GALK2: variants seen among roughly 807,000 people sequenced by gnomAD.
The protein encoded by GALK2 is N-acetylgalactosamine kinase.
A neutral mutation model predicts 52.4 loss-of-function variants in GALK2; 36 were observed. That is an observed-to-expected ratio of 0.69 (90% CI 0.53 to 0.91). The LOEUF (loss-of-function observed/expected upper bound fraction) is 0.91, where lower values mean the gene tolerates loss of function less well. Ranked by LOEUF, GALK2 falls within the 40% of genes least tolerant of loss-of-function variation. The pLI, the probability that GALK2 is intolerant of heterozygous loss-of-function variation, is 0.00. For synonymous variants in GALK2, 176 were observed against 199.1 expected (o/e 0.88, Z 0.98); for missense variants, 579 against 559.1 (o/e 1.04, Z -0.36).
chr15:49,264,636 G>T (rs1054424721), intron 5 of GALK2, among the ~76,000 whole-genome samples: 1 of 152,148 alleles, frequency 6.6e-6, no homozygotes, highest in Admixed American at 6.5e-5. Context: ...TCCTTTGGAG[G>T]AGGAGAGGCG....
At chr15:49,278,036 G>C (rs1335435579) in intron 5 of GALK2, among the ~76,000 whole-genome samples, 2 of 151,930 alleles carry the variant, frequency 1.3e-5, no homozygotes, top group Non-Finnish European at 2.9e-5. Flanking sequence ...GCCGAGGCGG[G>C]CAGATCACGA....
intron 5 of GALK2, among the ~76,000 whole-genome samples, chr15:49,248,111 A>G (rs1002966954): frequency 3.9e-5 from 6 of 152,242 alleles, no homozygotes. Flanking sequence ...TTTTCTTCAC[A>G]TATAGCTGCA....
chr15:49,303,515 C>T (rs976589006), intron 8 of GALK2, among the ~76,000 whole-genome samples: 1 of 152,196 alleles, frequency 6.6e-6, no homozygotes. Flanking sequence ...TGTGCATGAA[C>T]TGCCGTGGCA....
At chr15:49,361,462 A>G (rs1297667438) in intron 3 of GALK2, among the ~76,000 whole-genome samples, 2 of 152,004 alleles carry the variant, frequency 1.3e-5, no homozygotes, top group Non-Finnish European at 2.9e-5. Context: ...CATGTACTCA[A>G]TGTTTAGCTC....
At chr15:49,190,046 A>G (rs978019152) in intron 1 of GALK2, among the ~76,000 whole-genome samples, 3 of 152,128 alleles carry the variant, frequency 2.0e-5, no homozygotes, top group Admixed American at 6.5e-5. Flanking sequence ...CAGCCTTTCT[A>G]TGTGTTTTAT....
intron 5 of GALK2, among the ~76,000 whole-genome samples, chr15:49,279,793 T>C (rs1028941075): frequency 1.3e-5 from 2 of 152,232 alleles, no homozygotes; most frequent in Non-Finnish European, 2.9e-5. Context: ...GTATGTTGTT[T>C]CTCTACATTT....
chr15:49,277,624 C>T (rs111805023), intron 5 of GALK2, among the ~76,000 whole-genome samples: 24,969 of 148,362 alleles, frequency 0.17, 2,239 homozygotes, highest in South Asian at 0.21. Context: ...AGTGAAACCC[C>T]GTCTCTACTA....
upstream of GALK2, among the ~76,000 whole-genome samples, chr15:49,165,306 A>C (rs2084783633): frequency 6.6e-6 from 1 of 152,342 alleles, no homozygotes; most frequent in East Asian, 1.9e-4. Flanking sequence ...TAAAATCTTC[A>C]TAATAACCCT....
intron 9 of GALK2, among the ~76,000 whole-genome samples, chr15:49,321,472 A>ATATC (rs983442535): frequency 2.0e-5 from 3 of 152,238 alleles, no homozygotes; most frequent in African/African-American, 7.2e-5. Context: ...GAAGACTTAG[A>ATATC]TAATTGCTGT....
At chr15:49,275,765 C>T (rs1026036809) in intron 5 of GALK2, among the ~76,000 whole-genome samples, 2 of 152,170 alleles carry the variant, frequency 1.3e-5, no homozygotes, top group African/African-American at 4.8e-5. Context: ...CGAGGCATAA[C>T]ATTCATGAAT....
intron 2 of GALK2, among the ~76,000 whole-genome samples, chr15:49,215,497 T>C (rs2089296219): frequency 6.6e-6 from 1 of 151,590 alleles, no homozygotes; most frequent in Admixed American, 6.5e-5. Context: ...TTTTTCTTGA[T>C]CGATTCTGCT....
intron 3 of GALK2, among the ~76,000 whole-genome samples, chr15:49,226,112 G>A (rs1455759463): frequency 6.6e-6 from 1 of 152,152 alleles, no homozygotes; most frequent in African/African-American, 2.4e-5. Context: ...GGCACCTATG[G>A]CTGTATTCTG....
At chr15:49,195,891 C>T (rs1167037570) in intron 1 of GALK2, among the ~76,000 whole-genome samples, 1 of 151,530 alleles carries the variant, frequency 6.6e-6, no homozygotes, top group African/African-American at 2.4e-5. Flanking sequence ...TAAAAGCTGG[C>T]AGTAGTCAAA....
intron 3 of GALK2, among the ~76,000 whole-genome samples, chr15:49,347,083 T>C (rs8041461): frequency 0.41 from 62,991 of 152,064 alleles, 13,183 homozygotes; most frequent in African/African-American, 0.43. Flanking sequence ...TAAAATAGGA[T>C]TGCAGTTCTA....
chr15:49,252,122 C>G (rs1157470496), intron 5 of GALK2, among the ~76,000 whole-genome samples: 1 of 152,124 alleles, frequency 6.6e-6, no homozygotes, highest in Non-Finnish European at 1.5e-5. Context: ...AAAAAATTAG[C>G]TGGGTATGAT....
At chr15:49,309,777 C>T (rs1367906040) in intron 8 of GALK2, among the ~76,000 whole-genome samples, 5 of 151,862 alleles carry the variant, frequency 3.3e-5, no homozygotes, top group Admixed American at 1.3e-4. Context: ...TGCCCCACGA[C>T]GCCCGGCTAA....
chr15:49,298,440 A>T (rs1344368810), intron 8 of GALK2, among the ~76,000 whole-genome samples: 6 of 151,738 alleles, frequency 4.0e-5, no homozygotes, highest in Non-Finnish European at 8.8e-5. Flanking sequence ...TGTGGCTAGG[A>T]CCTCCAATAC....
chr15:49,299,759 CTTTCTTT>C (rs2034891493), intron 8 of GALK2, among the ~76,000 whole-genome samples: 2 of 113,450 alleles, frequency 1.8e-5, no homozygotes, highest in African/African-American at 6.5e-5. Flanking sequence ...TTCTTTCTTT[CTTTCTTT>C]CTTTCTTTCT....
intron 2 of GALK2, among the ~76,000 whole-genome samples, chr15:49,211,708 G>A (rs1247413686): frequency 6.6e-6 from 1 of 152,186 alleles, no homozygotes. Context: ...GAGGCACGCC[G>A]TACATGGCTA....
Sources: allele counts gnomAD v4.1 joint callset (sites outside exome capture counted in the v4.1 genomes callset), GRCh38; gene constraint gnomAD v4.1.1; transcripts MANE v1.5; gene names NCBI Gene and HGNC (gene_info 2026-07-23, HGNC 2026-07-21).